The following PTPRT variants were observed in gnomAD, a reference collection of about 807,000 sequenced individuals.
PTPRT encodes protein tyrosine phosphatase receptor type T.
In PTPRT, 56 loss-of-function variants were observed where a neutral mutation model predicts 176.8. That is an observed-to-expected ratio of 0.32 (90% CI 0.26 to 0.40). PTPRT has a LOEUF of 0.40. Ranked by LOEUF, PTPRT falls within the 10% of genes least tolerant of loss-of-function variation. The probability of loss-of-function intolerance (pLI) is 1.00; values close to 1 mark genes in which losing one functional copy is unlikely to be tolerated. For synonymous variants in PTPRT, 783 were observed against 739.0 expected, an observed-to-expected ratio of 1.06 and a Z score of -0.96; for missense variants, 1,540 against 1,908.2, an observed-to-expected ratio of 0.81 and a Z score of 3.60.
chr20:42,161,181 C>T (rs866970537), intron 17 of PTPRT, among the ~76,000 whole-genome samples, 171 bp downstream of exon 17: 3 of 152,172 alleles, frequency 2.0e-5, no homozygotes, highest in South Asian at 2.1e-4. Flanking sequence ...GGTTAAAATG[C>T]AGGTTCTGAT....
intron 16 of PTPRT, among the ~76,000 whole-genome samples, chr20:42,162,341 T>C (rs1346067774): frequency 6.6e-6 from 1 of 152,224 alleles, no homozygotes; most frequent in African/African-American, 2.4e-5. Flanking sequence ...GTAGGATCTA[T>C]ATTCTCTCTT....
chr20:42,287,627 T>C (rs527534602), intron 12 of PTPRT, among the ~76,000 whole-genome samples: 2 of 151,870 alleles, frequency 1.3e-5, no homozygotes, highest in Non-Finnish European at 2.9e-5. Flanking sequence ...AGATTATACC[T>C]AGATAGAAGG....
chr20:42,550,649 T>C (rs1447396804), intron 7 of PTPRT, among the ~76,000 whole-genome samples: 1 of 152,094 alleles, frequency 6.6e-6, no homozygotes, highest in Non-Finnish European at 1.5e-5. Context: ...GGCACAGACA[T>C]TTATTGCATT....
At position 43,189,703 on chromosome 20, in the gene PTPRT, G is replaced by A; in HGVS notation, c.31C>T (p.Leu11=). ...GGCGGCAGCTGCAGCCTCAGGAGCA[G>A]GCTGAGGGCGAGCGCGGCGAGGCTC... MASLAALALS[L]LLRLQLPPLP... Residue 11 remains leucine (L), a synonymous_variant, in exon 1 of 31, where the codon CTG becomes TTG. Transcript: ENST00000373187. The surrounding 1 kb of genome is among the most constrained non-coding windows in gnomAD (Gnocchi z 5.0). 7.7e-7 allele frequency: 1 copy of A among 1,291,742 alleles called. No homozygotes were observed. The highest frequency in any genetic ancestry group is 1.6e-5 in the African/African-American group (1 of 64,402). 80.0% of individuals were successfully genotyped at this position (1,291,742 alleles called of 1,614,324 possible).
chr20:42,548,267 A>G (rs1387099200), intron 7 of PTPRT, among the ~76,000 whole-genome samples: 1 of 152,164 alleles, frequency 6.6e-6, no homozygotes, highest in Admixed American at 6.5e-5. Context: ...ACTAGCTAAG[A>G]TGAAGGATGG....
At chr20:43,089,353 G>A (rs576907396) in intron 1 of PTPRT, among the ~76,000 whole-genome samples, 2 of 152,308 alleles carry the variant, frequency 1.3e-5, no homozygotes, top group South Asian at 4.1e-4. Flanking sequence ...CATGGTTTGA[G>A]AAGAGAAAAT....
At chr20:42,833,850 C>T (rs917973723) in intron 2 of PTPRT, among the ~76,000 whole-genome samples, 3 of 152,086 alleles carry the variant, frequency 2.0e-5, no homozygotes, top group Non-Finnish European at 2.9e-5. Context: ...TTGACCTATA[C>T]CTCTCACTAT....
At chr20:42,103,230 T>C (rs1296964618) in intron 25 of PTPRT, among the ~76,000 whole-genome samples, 1 of 152,216 alleles carries the variant, frequency 6.6e-6, no homozygotes, top group East Asian at 1.9e-4. Flanking sequence ...CCAATCAATG[T>C]TGCCACAGCT....
At chr20:42,580,009 T>A (rs2073341159) in intron 7 of PTPRT, among the ~76,000 whole-genome samples, 1 of 152,146 alleles carries the variant, frequency 6.6e-6, no homozygotes, top group South Asian at 2.1e-4. Flanking sequence ...AATGCCTAGG[T>A]TTTCTCCTAG....
intron 8 of PTPRT, among the ~76,000 whole-genome samples, chr20:42,463,697 G>A (rs2071059215): frequency 1.3e-5 from 2 of 152,058 alleles, no homozygotes; most frequent in Admixed American, 1.3e-4. Flanking sequence ...GGAATACCAA[G>A]GTAGTATATA....
chr20:42,843,214 G>C (rs567680426), intron 2 of PTPRT, among the ~76,000 whole-genome samples: 5 of 152,170 alleles, frequency 3.3e-5, no homozygotes, highest in Non-Finnish European at 7.3e-5. Flanking sequence ...ATAAACTATA[G>C]CTATTAATAG....
intron 13 of PTPRT, chr20:42,270,251 T>C: frequency 3.0e-6 from 2 of 659,962 alleles, no homozygotes; most frequent in Admixed American, 2.4e-5. Context: ...TGAATGAATG[T>C]GTGGGTTGAT....
At chr20:42,206,000 G>C (rs1003476892) in intron 15 of PTPRT, among the ~76,000 whole-genome samples, 1 of 152,094 alleles carries the variant, frequency 6.6e-6, no homozygotes, top group African/African-American at 2.4e-5. Context: ...GGACAGAGTA[G>C]TCCCTTAGCT....
At chr20:43,092,936 T>C (rs1275256906) in intron 1 of PTPRT, among the ~76,000 whole-genome samples, 1 of 152,208 alleles carries the variant, frequency 6.6e-6, no homozygotes, top group Non-Finnish European at 1.5e-5. Flanking sequence ...TATAATGTTG[T>C]TTGGGAAGAC....
At chr20:42,082,376 T>A (rs911642338) in intron 29 of PTPRT, among the ~76,000 whole-genome samples, 1 of 152,230 alleles carries the variant, frequency 6.6e-6, no homozygotes, top group Non-Finnish European at 1.5e-5. Context: ...AGGATGGTAC[T>A]GTGTCTTTGT....
At chr20:42,386,791 C>T (rs1235954881) in intron 9 of PTPRT, among the ~76,000 whole-genome samples, 5 of 152,008 alleles carry the variant, frequency 3.3e-5, no homozygotes, top group Admixed American at 1.3e-4. Context: ...ACCCAGGAGG[C>T]GGAAGTTGCA....
At chr20:42,276,537 ATATATATATATATATATATAT>A (rs1430598498) in intron 13 of PTPRT, among the ~76,000 whole-genome samples, 5 of 47,594 alleles carry the variant, frequency 1.1e-4, no homozygotes, top group Non-Finnish European at 8.1e-5. Context: ...ATATATATAT[ATATATATATATATATATATAT>A]AATGTTCTTG....
At chr20:42,049,512 C>T in the PTPRT span, among the ~76,000 whole-genome samples, 1 of 152,196 alleles carries the variant, frequency 6.6e-6, no homozygotes, top group South Asian at 2.1e-4. Context: ...CCTGGAACTA[C>T]TCCTATAAAA....
rs150872813 is a variant in PTPRT, at chr20:42,300,392, T to C, written c.2139+15331A>G. Among the ~76,000 whole-genome samples the C allele has an allele frequency of 3.5e-3, 535 of 152,018 alleles. 3 individuals carry two copies. Among genetic ancestry groups the C allele is most frequent in the African/African-American group, 0.012 (507 of 41,468 alleles). On this transcript the variant is annotated intron_variant, in intron 12 of 30. Coordinates refer to ENST00000373187, the MANE Select transcript of PTPRT (RefSeq NM_007050.6). ...ACTCGTTCCCAGGTCTGAGTTTCTA[T>C]AATAAGTACCATTCCCCATTTAAAG...
Sources: allele counts gnomAD v4.1 joint callset (sites outside exome capture counted in the v4.1 genomes callset), GRCh38; gene constraint gnomAD v4.1.1; non-coding constraint Gnocchi (gnomAD v3.1); transcripts MANE v1.5; gene names NCBI Gene and HGNC (gene_info 2026-07-23, HGNC 2026-07-21).